The following SNUPN variants were observed in gnomAD, a reference collection of about 807,000 sequenced individuals.
SNUPN encodes the protein snurportin 1.
Under a neutral mutation model 39.2 loss-of-function variants are expected in SNUPN, and 31 were observed. That is an observed-to-expected ratio of 0.79 (90% CI 0.59 to 1.07). The LOEUF is 1.07. SNUPN is among the 50% of genes least tolerant of loss of function. The pLI is 0.00. For missense variants in SNUPN, 382 were observed against 434.2 expected, an observed-to-expected ratio of 0.88 and a Z score of 1.07; for synonymous variants, 132 against 159.0, an observed-to-expected ratio of 0.83 and a Z score of 1.28.
At chr15:75,624,771 T>C in intron 1 of SNUPN, 1 of 1,281,958 alleles carries the variant, frequency 7.8e-7, no homozygotes, top group Non-Finnish European at 1.0e-6. Flanking sequence ...TTTTTCTTTG[T>C]TGTTGTTGTT....
chr15:75,611,172 G>GAA (rs1233905715), intron 3 of SNUPN, among the ~76,000 whole-genome samples: 1 of 109,346 alleles, frequency 9.1e-6, no homozygotes, highest in African/African-American at 3.3e-5. Context: ...GTCTCAAAAA[G>GAA]AAAAAAAAAA....
At chr15:75,601,534 C>T (rs956526939) in intron 7 of SNUPN, among the ~76,000 whole-genome samples, 2 of 152,126 alleles carry the variant, frequency 1.3e-5, no homozygotes, top group Non-Finnish European at 2.9e-5. Flanking sequence ...ATGATCATGC[C>T]ACTGCACTCC....
intron 3 of SNUPN, among the ~76,000 whole-genome samples, chr15:75,611,377 C>T (rs1033909636): frequency 4.0e-5 from 6 of 150,236 alleles, no homozygotes; most frequent in East Asian, 2.1e-4. Context: ...CTCAGCCTCC[C>T]GAGTAGCTGG....
At chr15:75,617,150 G>A (rs1159407867) in intron 3 of SNUPN, among the ~76,000 whole-genome samples, 1 of 152,216 alleles carries the variant, frequency 6.6e-6, no homozygotes, top group Non-Finnish European at 1.5e-5. Context: ...GCAGCCTTTG[G>A]TAACAGCACA....
In SNUPN at chr15:75,598,682, C is replaced by G. The variant is rs764182651; in HGVS notation, c.760-1G>C. On this transcript the variant is annotated splice_acceptor_variant, in intron 8 of 8. Transcript: ENST00000308588. LOFTEE classifies it high-confidence loss of function. ...TGTGGTAGAAGAGAAGTCCATCTACCTATAAGACAAGGGGAAATTGAGGAT... is the reference window on the plus strand; with the variant it reads ...TGTGGTAGAAGAGAAGTCCATCTACGTATAAGACAAGGGGAAATTGAGGAT... The G allele has an allele frequency of 9.4e-6, 15 of 1,589,434 alleles. No individual in the cohort carries two copies. The highest frequency in any genetic ancestry group is 1.2e-5 in the Non-Finnish European group (14 of 1,163,368).
Position 75,598,199 on chromosome 15 carries a change from T to G in SNUPN, c.*159A>C, listed in dbSNP as rs1227574665. ...ATCTGGGAACCTCCCCATAACTGTTTGAGCCAGCATTTCAGATTATAGATA... is the reference window on the plus strand; with the variant it reads ...ATCTGGGAACCTCCCCATAACTGTTGGAGCCAGCATTTCAGATTATAGATA... On this transcript the variant is annotated 3_prime_UTR_variant, in exon 9 of 9. Transcript: ENST00000308588. 3.2e-6 allele frequency: 2 copies of G among 617,726 alleles called. No homozygotes were observed. Among genetic ancestry groups the G allele is most frequent in the African/African-American group, 3.7e-5 (2 of 54,310 alleles). The allele number at this position is 617,726 out of a possible 1,614,324, so 38.3% of individuals were successfully genotyped here.
At chr15:75,618,202 C>G (rs891395340) in intron 2 of SNUPN, among the ~76,000 whole-genome samples, 1 of 152,194 alleles carries the variant, frequency 6.6e-6, no homozygotes, top group South Asian at 2.1e-4. Flanking sequence ...TCCTGCCTAG[C>G]AGACATCTCA....
chr15:75,608,369 T>C (rs1451325692), intron 5 of SNUPN, among the ~76,000 whole-genome samples: 1 of 151,644 alleles, frequency 6.6e-6, no homozygotes, highest in Non-Finnish European at 1.5e-5. Flanking sequence ...GGCCACAGAG[T>C]GAGACCGTGT....
chr15:75,599,686 G>A (rs890478952), intron 8 of SNUPN, among the ~76,000 whole-genome samples: 3 of 152,146 alleles, frequency 2.0e-5, no homozygotes, highest in Non-Finnish European at 2.9e-5. Flanking sequence ...GGGCATAAGG[G>A]TTATAAATAA....
intron 6 of SNUPN, 78 bp from the exon 7 acceptor site, chr15:75,605,305 A>AT (rs372246427): frequency 0.054 from 29,249 of 538,478 alleles, 4 homozygotes; most frequent in East Asian, 0.082. Flanking sequence ...ACCCCATGCT[A>AT]TTTTTTTTTT....
intron 5 of SNUPN, 31 bp from the exon 6 acceptor site, chr15:75,607,344 A>G: frequency 6.7e-7 from 1 of 1,493,192 alleles, no homozygotes; most frequent in African/African-American, 1.4e-5. Flanking sequence ...GTCAGCACAG[A>G]GTTCTTCTTC....
chr15:75,613,673 G>C (rs1892857761), intron 3 of SNUPN, among the ~76,000 whole-genome samples: 1 of 148,136 alleles, frequency 6.8e-6, no homozygotes, highest in Non-Finnish European at 1.5e-5. Context: ...GAAAAGAAAA[G>C]ATGTTTAACA....
chr15:75,617,058 G>A (rs955545392), intron 3 of SNUPN, among the ~76,000 whole-genome samples: 1 of 152,262 alleles, frequency 6.6e-6, no homozygotes, highest in East Asian at 1.9e-4. Context: ...CAGAACAGCT[G>A]TGCAGTGACA....
intron 3 of SNUPN, 134 bp from the exon 4 acceptor site, chr15:75,610,128 G>T (rs76965612): frequency 0.19 from 128,727 of 692,206 alleles, 15,151 homozygotes; most frequent in Non-Finnish European, 0.24. Context: ...CCGGGCACGG[G>T]GGCTCATGCT....
At chr15:75,623,450 T>G (rs1893127560) in intron 1 of SNUPN, among the ~76,000 whole-genome samples, 2 of 31,290 alleles carry the variant, frequency 6.4e-5, no homozygotes, top group Admixed American at 5.4e-4. Context: ...CGCCCGGCCT[T>G]TTTTTTTTTT....
In SNUPN at chr15:75,620,971, G is replaced by A. The variant is rs1893053717; in HGVS notation, c.81C>T (p.Arg27=). ...TGTACTTGGACTTGTACTGGGATAGGCGGGGGTGTGGGGCAGCTGTGCTGT... is the reference window on the plus strand; with the variant it reads ...TGTACTTGGACTTGTACTGGGATAGACGGGGGTGTGGGGCAGCTGTGCTGT... ...DLNSTAAPHP[R]LSQYKSKYSS... Residue 27 remains arginine (R), a synonymous_variant, in exon 2 of 9, where the codon CGC becomes CGT. Coordinates refer to ENST00000308588, the MANE Select transcript of SNUPN (RefSeq NM_005701.4). 1.2e-6 allele frequency: 2 copies of A among 1,614,000 alleles called. No homozygotes were observed. Among genetic ancestry groups the A allele is most frequent in the Admixed American group, 1.7e-5 (1 of 60,002 alleles).
chr15:75,600,842 G>A, intron 8 of SNUPN: 1 of 341,376 alleles, frequency 2.9e-6, no homozygotes, highest in South Asian at 2.9e-5. Flanking sequence ...AGGCATGCAA[G>A]TCTTGCTCCT....
intron 1 of SNUPN, 76 bp from the exon 2 acceptor site, chr15:75,621,132 AT>A (rs1893058519): frequency 2.2e-6 from 3 of 1,388,752 alleles, no homozygotes; most frequent in Non-Finnish European, 9.9e-7. Context: ...TGCAGTTATG[AT>A]ATGATGGCCA....
chr15:75,617,396 T>C lies in SNUPN; in HGVS notation c.303+12A>G, dbSNP rs2141375683. 6.2e-7 allele frequency: 1 copy of C among 1,612,460 alleles called. No individual in the cohort carries two copies. The stretch of plus-strand genomic sequence containing the variant: ...GAGATTAGCTGGGTCTCATCTTCTC[T>C]GGACCACTTACTTGATTAGCATAGT... On this transcript the variant is annotated intron_variant, in intron 3 of 8. Coordinates refer to ENST00000308588, the MANE Select transcript of SNUPN (RefSeq NM_005701.4).
Sources: allele counts gnomAD v4.1 joint callset (sites outside exome capture counted in the v4.1 genomes callset), GRCh38; gene constraint gnomAD v4.1.1; transcripts MANE v1.5; gene names NCBI Gene and HGNC (gene_info 2026-07-23, HGNC 2026-07-21).